The following MGST3 variants were observed in gnomAD, a reference collection of about 807,000 sequenced individuals.
MGST3 encodes microsomal glutathione S-transferase 3, also known as glutathione S-transferase 3, mitochondrial.
In MGST3, 13 loss-of-function variants were observed where a neutral mutation model predicts 15.8. That is an observed-to-expected ratio of 0.82 (90% CI 0.54 to 1.31). The LOEUF (loss-of-function observed/expected upper bound fraction) is 1.31, where lower values mean the gene tolerates loss of function less well. Ranked by LOEUF, MGST3 falls within the 50% of genes most tolerant of loss-of-function variation. The pLI, the probability that MGST3 is intolerant of heterozygous loss-of-function variation, is 0.00. For synonymous variants in MGST3, 49 were observed against 68.1 expected (o/e 0.72, Z 1.38); for missense variants, 155 against 192.4 (o/e 0.81, Z 1.15).
intron 1 of MGST3, among the ~76,000 whole-genome samples, chr1:165,633,139 C>A (rs536471835): frequency 1.1e-4 from 17 of 152,254 alleles, no homozygotes; most frequent in African/African-American, 4.1e-4. Context: ...GTAAGCTTAC[C>A]ATCTTCCTGA....
intron 1 of MGST3, among the ~76,000 whole-genome samples, chr1:165,635,359 C>G (rs1648079860): frequency 6.6e-6 from 1 of 152,170 alleles, no homozygotes; most frequent in Non-Finnish European, 1.5e-5. Flanking sequence ...CCAGTTTTTT[C>G]TCAGAGGAGA....
rs757672162 is a variant in MGST3, at chr1:165,654,284, A to G, written c.255A>G (p.Ile85Met). The G allele has an allele frequency of 6.2e-7, 1 of 1,614,142 alleles. No homozygotes were observed. The highest frequency in any genetic ancestry group is 1.1e-5 in the South Asian group (1 of 91,086). ...LAVGGVYHPR[I>M]ASGLGLAWIV... ...ATGTAGCCCTTTTTTCTTAGCGTAT[A>G]GCTTCTGGCCTGGGCTTGGCCTGGA... Residue 85 changes from isoleucine (I) to methionine (M), a missense_variant, in exon 5 of 6, where the codon ATA (isoleucine) becomes ATG (methionine). Ile to Met is a conservative substitution (Grantham distance 10). Transcript: ENST00000367889.
chr1:165,643,656 A>G (rs1648317032), intron 1 of MGST3, among the ~76,000 whole-genome samples: 1 of 152,122 alleles, frequency 6.6e-6, no homozygotes, highest in South Asian at 2.1e-4. Flanking sequence ...AGTTGAGGCC[A>G]GGAGTTTGAG....
chr1:165,638,211 G>A (rs918932324), intron 1 of MGST3, among the ~76,000 whole-genome samples: 1 of 152,222 alleles, frequency 6.6e-6, no homozygotes, highest in African/African-American at 2.4e-5. Context: ...AGGAGCAGTG[G>A]TTCATGCCTC....
chr1:165,654,104 A>G (rs1489426801), intron 4 of MGST3, 175 bp from the exon 5 acceptor site: 4 of 651,238 alleles, frequency 6.1e-6, no homozygotes, highest in African/African-American at 3.6e-5. Flanking sequence ...AGAATCACAG[A>G]TATTTTATTT....
Position 165,631,248 on chromosome 1 carries a change from G to A in MGST3, c.-53G>A, listed in dbSNP as rs1647932982. The A allele has an allele frequency of 6.6e-6, 1 of 152,656 alleles. No individual in the cohort carries two copies. Among genetic ancestry groups the A allele is most frequent in the Admixed American group, 6.5e-5 (1 of 15,284 alleles). 9.5% of individuals were successfully genotyped at this position (152,656 alleles called of 1,614,324 possible). A position where few individuals can be genotyped will look rare whatever the true frequency, so the allele number is the denominator to read the frequency against. On this transcript the variant is annotated 5_prime_UTR_variant, in exon 1 of 6. Coordinates refer to ENST00000367889, the MANE Select transcript of MGST3 (RefSeq NM_004528.4). ...CAGGCGAGGGCGCCGCACCCACACC[G>A]CGCTGCGCAGTTTTGTTCTGCTCCA...
intron 1 of MGST3, among the ~76,000 whole-genome samples, chr1:165,637,928 G>T (rs1219296575): frequency 2.8e-4 from 43 of 152,078 alleles, no homozygotes; most frequent in Admixed American, 2.8e-3. Context: ...ACACTGAAAA[G>T]TTTTTGCTAT....
intron 1 of MGST3, chr1:165,649,268 T>A (rs1048499031): frequency 6.3e-6 from 1 of 157,606 alleles, no homozygotes; most frequent in African/African-American, 2.4e-5. Context: ...GTGTCCCCCA[T>A]GTCTGAAGGC....
chr1:165,649,770 C>T, intron 1 of MGST3, 71 bp from the exon 2 acceptor site: 1 of 1,599,060 alleles, frequency 6.3e-7, no homozygotes, highest in East Asian at 2.2e-5. Flanking sequence ...AAGCATCTTG[C>T]TCCCTAAGGC....
intron 4 of MGST3, 152 bp downstream of exon 4, chr1:165,652,187 TC>T: frequency 1.4e-6 from 1 of 706,512 alleles, no homozygotes; most frequent in Non-Finnish European, 2.5e-6. Flanking sequence ...CTTACAGAGT[TC>T]TTTAAAGGAG....
At chr1:165,648,777 A>G (rs1262451699) in intron 1 of MGST3, 1 of 152,274 alleles carries the variant, frequency 6.6e-6, no homozygotes, top group African/African-American at 2.4e-5. Flanking sequence ...CCACAGTGTC[A>G]GTTTGGCTCT....
At chr1:165,654,984 T>C (rs980733828) in intron 5 of MGST3, among the ~76,000 whole-genome samples, 1 of 152,198 alleles carries the variant, frequency 6.6e-6, no homozygotes, top group Non-Finnish European at 1.5e-5. Flanking sequence ...AAGCGTAAAC[T>C]AGTAAACTAG....
At chr1:165,636,862 G>A (rs1648127419) in intron 1 of MGST3, 1 of 152,266 alleles carries the variant, frequency 6.6e-6, no homozygotes, top group Non-Finnish European at 1.5e-5. Context: ...TGGTTTTGAG[G>A]CTTGTTCCTT....
At chr1:165,631,812 TCTGAAGGA>T (rs1371190220) in intron 1 of MGST3, among the ~76,000 whole-genome samples, 1 of 152,184 alleles carries the variant, frequency 6.6e-6, no homozygotes, top group African/African-American at 2.4e-5. Context: ...CGGGAGAGCC[TCTGAAGGA>T]ATTGTGTTTG....
Position 165,650,025 on chromosome 1 carries a change from A to G in MGST3, c.117+61A>G, listed in dbSNP as rs540636309. 4.9e-5 allele frequency: 79 copies of G among 1,609,682 alleles called. No individual in the cohort carries two copies. In the South Asian group the frequency reaches 8.2e-4, roughly 17 times the overall value. ...TGTCTGGGGGCCACAGGCTTAGCCA[A>G]GAACTTATTTTCAGCCATGGAGGGA... On this transcript the variant is annotated intron_variant, in intron 2 of 5. Transcript: ENST00000367889.
intron 1 of MGST3, among the ~76,000 whole-genome samples, chr1:165,639,355 T>A (rs1036676696): frequency 6.6e-6 from 1 of 152,214 alleles, no homozygotes; most frequent in South Asian, 2.1e-4. Context: ...TGTGCACTCA[T>A]CAGCTGTGGG....
intron 1 of MGST3, among the ~76,000 whole-genome samples, chr1:165,645,466 T>C (rs1571152456): frequency 2.0e-5 from 3 of 152,160 alleles, no homozygotes; most frequent in Admixed American, 1.3e-4. Context: ...GCACCTGTTT[T>C]ACAGTTAACA....
At chr1:165,634,588 T>TG (rs1288250048) in intron 1 of MGST3, among the ~76,000 whole-genome samples, 3 of 152,176 alleles carry the variant, frequency 2.0e-5, no homozygotes, top group Admixed American at 2.0e-4. Flanking sequence ...TCTCTGCTCT[T>TG]GCTGTTTTCT....
chr1:165,635,844 A>G (rs1648096819), intron 1 of MGST3: 1 of 152,222 alleles, frequency 6.6e-6, no homozygotes, highest in South Asian at 2.1e-4. Context: ...GACCCACTCT[A>G]GGACCTGCTT....
Sources: allele counts gnomAD v4.1 joint callset (sites outside exome capture counted in the v4.1 genomes callset), GRCh38; gene constraint gnomAD v4.1.1; transcripts MANE v1.5; gene names NCBI Gene and HGNC (gene_info 2026-07-23, HGNC 2026-07-21).